Variants in ZNF34 observed in about 807,000 individuals in gnomAD.
ZNF34 encodes the protein zinc finger protein 34 (KOX 32).
A neutral mutation model predicts 14.4 loss-of-function variants in ZNF34; 8 were observed. That is an observed-to-expected ratio of 0.55 (90% CI 0.33 to 1.00). The LOEUF (loss-of-function observed/expected upper bound fraction) is 1.00. ZNF34 is among the 50% of genes least tolerant of loss of function. The pLI is 0.03. For missense variants in ZNF34, 538 were observed against 674.2 expected (o/e 0.80, Z 2.24); for synonymous variants, 235 against 247.9 (o/e 0.95, Z 0.49).
chr8:144,774,221 T>C lies in ZNF34; in HGVS notation c.665A>G (p.Lys222Arg), dbSNP rs747701171. The change falls in exon 6 of 6, where the codon AAA becomes AGA. Residue 222 changes from lysine (K) to arginine (R), a missense_variant. Transcript: ENST00000429371. ...ATGCAATTTTTTCCCAGTAGGAATT[T>C]TCTGATCTTCTTTAACAACTAAGTT... Reference protein sequence around the residue: ...SANLVVKEDQKIPTGKKLHYC... With the variant: ...SANLVVKEDQRIPTGKKLHYC... 4 of 1,611,750 alleles carry C rather than the reference T, an allele frequency of 2.5e-6. No individual in the cohort carries two copies. The highest frequency in any genetic ancestry group is 3.4e-6 in the Non-Finnish European group (4 of 1,179,290).
intron 5 of ZNF34, among the ~76,000 whole-genome samples, chr8:144,776,674 C>T (rs1286661360): frequency 6.6e-6 from 1 of 151,988 alleles, no homozygotes. Context: ...CTTTGGAAGG[C>T]CAAGGCGAGA....
rs746987388 is a variant in ZNF34, at chr8:144,773,509, A to G, written c.1377T>C (p.Cys459=). Residue 459 remains cysteine, a synonymous_variant, in exon 6 of 6, where the codon TGT becomes TGC. Coordinates refer to ENST00000429371, the MANE Select transcript of ZNF34 (RefSeq NM_001286769.2). This position sits in a 1 kb window ranked among gnomAD's most constrained non-coding sequence, Gnocchi z 5.4. The stretch of plus-strand genomic sequence containing the variant: ...TGGAACTGTTGTGGAAGGCCTTCCC[A>G]CACTCGCTGCACTTGTAGGGCTTCT... ...TGEKPYKCSE[C]GKAFHNSSRL... The G allele has an allele frequency of 5.0e-6, 8 of 1,614,154 alleles. No homozygotes were observed. The South Asian group carries it at 8.8e-5, about 18-fold the overall frequency.
At position 144,773,264 on chromosome 8, in the gene ZNF34, T is replaced by C. The variant is rs528096516; in HGVS notation, c.*2A>G. The C allele has an allele frequency of 1.4e-5, 22 of 1,599,552 alleles. No individual in the cohort carries two copies. In the Admixed American group the frequency reaches 3.0e-4, roughly 22 times the overall value. ...ACTCTGCCCTCGGACACCGCGCCACTGTTACATGGAGAAGTCCTCCCGGAG... is the reference window on the plus strand; with the variant it reads ...ACTCTGCCCTCGGACACCGCGCCACCGTTACATGGAGAAGTCCTCCCGGAG... On this transcript the variant is annotated 3_prime_UTR_variant, in exon 6 of 6. Coordinates refer to ENST00000429371, the MANE Select transcript of ZNF34 (RefSeq NM_001286769.2). The surrounding 1 kb of genome is among the most constrained non-coding windows in gnomAD (Gnocchi z 5.4).
Position 144,786,126 on chromosome 8 carries a change from A to G in ZNF34, c.-108+1153T>C, listed in dbSNP as rs368292754. Among the ~76,000 whole-genome samples, 480 of 151,466 alleles carry G rather than the reference A, an allele frequency of 3.2e-3. 1 individual carries two copies. The highest frequency in any genetic ancestry group is 0.011 in the African/African-American group (455 of 41,288). On this transcript the variant is annotated intron_variant, in intron 1 of 5. Transcript: ENST00000429371. ...CAGCCTCCCAAGTAGCTGGGACTACAGGCGCCCGCTACCACGCCCGGCTAA... is the reference window on the plus strand; with the variant it reads ...CAGCCTCCCAAGTAGCTGGGACTACGGGCGCCCGCTACCACGCCCGGCTAA...
rs1020862887 is a variant in ZNF34 at position 144,783,989 on chromosome 8, A to G, written c.-108+3290T>C. On this transcript the variant is annotated intron_variant, in intron 1 of 5. Coordinates refer to ENST00000429371, the MANE Select transcript of ZNF34 (RefSeq NM_001286769.2). ...ATCCTGGCTAACATGGTGAAACCCC[A>G]TCTCTACTAACAATATAAAATTAGC... Among the ~76,000 whole-genome samples the G allele has an allele frequency of 1.0e-3, 155 of 152,160 alleles. 2 individuals are homozygous for G. Among genetic ancestry groups the G allele is most frequent in the Admixed American group, 1.1e-3 (17 of 15,280 alleles).
rs150942558 is a variant in ZNF34, at chr8:144,776,766, T to C, written c.280+692A>G. On this transcript the variant is annotated intron_variant, in intron 5 of 5. Transcript: ENST00000429371. ...CTCTGTAAAAAAATCAAAAAATTAG[T>C]GTGAGTGACACATGACATGCCTGTG... Among the ~76,000 whole-genome samples, 1,507 of 151,464 alleles carry C rather than the reference T, an allele frequency of 9.9e-3. 25 individuals are homozygous for C. Among genetic ancestry groups the C allele is most frequent in the African/African-American group, 0.035 (1,444 of 41,248 alleles).
rs143853733 is a variant in ZNF34, at chr8:144,781,134, C to CAAATAAATAAATAAATAAAT, written c.-107-874_-107-855dup. Among the ~76,000 whole-genome samples the CAAATAAATAAATAAATAAAT allele has an allele frequency of 2.0e-3, 285 of 140,400 alleles. 3 individuals carry two copies. The highest frequency in any genetic ancestry group is 0.012 in the East Asian group (54 of 4,620). 92.1% of individuals were successfully genotyped at this position (140,400 alleles called of 152,430 possible). A position where few individuals can be genotyped will look rare whatever the true frequency, so the allele number is the denominator to read the frequency against. The stretch of plus-strand genomic sequence containing the variant: ...TGGGCGACAGAGCGAGACTCCATCT[C>CAAATAAATAAATAAATAAAT]AAATAAATAAATAAATAAATAAATA... On this transcript the variant is annotated intron_variant, in intron 1 of 5. Coordinates refer to ENST00000429371, the MANE Select transcript of ZNF34 (RefSeq NM_001286769.2).
chr8:144,782,037 C>T (rs1200876098), intron 1 of ZNF34, among the ~76,000 whole-genome samples: 4 of 150,438 alleles, frequency 2.7e-5, no homozygotes, highest in Non-Finnish European at 5.9e-5. Flanking sequence ...AAATACACAA[C>T]TTGGGGCTGG....
chr8:144,778,637 C>T (rs888082805), intron 2 of ZNF34, 112 bp from the exon 3 acceptor site: 17 of 772,818 alleles, frequency 2.2e-5, no homozygotes, highest in African/African-American at 3.6e-5. Flanking sequence ...TCCACCCCTG[C>T]CCATCCCAAT....
chr8:144,773,386 G>A lies in ZNF34; in HGVS notation c.1500C>T (p.His500=). 1 of 1,614,104 alleles carries A rather than the reference G, an allele frequency of 6.2e-7. No individual in the cohort carries two copies. The highest frequency in any genetic ancestry group is 8.5e-7 in the Non-Finnish European group (1 of 1,180,004). ...GCTTCTCCCCGGTGTGGATCCTCCG[G>A]TGCTGAATCAAGTACGTGCTCTGGC... ...AFSQSTYLIQ[H]RRIHTGEKPY... The change falls in exon 6 of 6, where the codon CAC becomes CAT. Residue 500 remains histidine, a synonymous_variant. Transcript: ENST00000429371. The surrounding 1 kb of genome is among the most constrained non-coding windows in gnomAD (Gnocchi z 5.4).
intron 1 of ZNF34, among the ~76,000 whole-genome samples, chr8:144,786,092 C>T (rs34717932): frequency 6.8e-6 from 1 of 148,016 alleles, no homozygotes; most frequent in Non-Finnish European, 1.5e-5. Context: ...TGACGTCATT[C>T]TCCTGCCTCA....
At chr8:144,781,164 A>AAT (rs1371657864) in intron 1 of ZNF34, among the ~76,000 whole-genome samples, 2 of 118,068 alleles carry the variant, frequency 1.7e-5, no homozygotes, top group East Asian at 5.6e-4. Flanking sequence ...TAAATAAATA[A>AAT]AAATAAAAAT....
chr8:144,777,896 C>G lies in ZNF34; in HGVS notation c.160+142G>C. On this transcript the variant is annotated intron_variant, in intron 4 of 5. Coordinates refer to ENST00000429371, the MANE Select transcript of ZNF34 (RefSeq NM_001286769.2). This position sits in a 1 kb window ranked among gnomAD's most constrained non-coding sequence, Gnocchi z 4.8. ...GGAAGGTCCCAGCACTGCTCTTCCC[C>G]TCATCTTCTCAGATCAGGTGCCTGC... The G allele has an allele frequency of 2.3e-6, 3 of 1,294,580 alleles. No homozygotes were observed. In the South Asian group the frequency reaches 4.2e-5, roughly 18 times the overall value. 80.2% of individuals were successfully genotyped at this position (1,294,580 alleles called of 1,614,324 possible). A position where few individuals can be genotyped will look rare whatever the true frequency, so the allele number is the denominator to read the frequency against.
At chr8:144,775,959 G>C (rs1456191007) in intron 5 of ZNF34, among the ~76,000 whole-genome samples, 1 of 152,176 alleles carries the variant, frequency 6.6e-6, no homozygotes, top group African/African-American at 2.4e-5. Flanking sequence ...ACATGACTGA[G>C]ACTCATGCGC....
chr8:144,782,842 C>CAAAAAAAAAAAAAA (rs548252812), intron 1 of ZNF34, among the ~76,000 whole-genome samples: 364 of 22,898 alleles, frequency 0.016, 35 homozygotes, highest in South Asian at 0.036. Context: ...AAGCCTATCT[C>CAAAAAAAAAAAAAA]AAAAAAAAAA....
chr8:144,774,732 T>C, intron 5 of ZNF34, 127 bp from the exon 6 acceptor site: 1 of 1,189,546 alleles, frequency 8.4e-7, no homozygotes, highest in South Asian at 1.5e-5. Context: ...CTTGCAAAGA[T>C]AAGAGCCTGG....
intron 1 of ZNF34, among the ~76,000 whole-genome samples, chr8:144,781,157 A>ATAAATAAG (rs1468776801): frequency 6.6e-6 from 1 of 151,336 alleles, no homozygotes; most frequent in Non-Finnish European, 1.5e-5. Context: ...AAATAAATAA[A>ATAAATAAG]TAAATAAAAA....
chr8:144,776,311 CAAA>C (rs767802287), intron 5 of ZNF34, among the ~76,000 whole-genome samples: 4 of 117,154 alleles, frequency 3.4e-5, no homozygotes, highest in Admixed American at 9.2e-5. Context: ...GACTCTGTCT[CAAA>C]AAAAAAAAAA....
chr8:144,778,212 T>G, intron 3 of ZNF34, 48 bp from the exon 4 acceptor site: 1 of 1,581,852 alleles, frequency 6.3e-7, no homozygotes, highest in Admixed American at 1.8e-5. Flanking sequence ...CAGAGTGGGC[T>G]GGTAGGGGCG....
Sources: allele counts gnomAD v4.1 joint callset (sites outside exome capture counted in the v4.1 genomes callset), GRCh38; gene constraint gnomAD v4.1.1; non-coding constraint Gnocchi (gnomAD v3.1); transcripts MANE v1.5; gene names NCBI Gene and HGNC (gene_info 2026-07-23, HGNC 2026-07-21).